The following ADGRL4 variants were observed in gnomAD, a reference collection of about 807,000 sequenced individuals.
ADGRL4 encodes EGF, latrophilin and seven transmembrane domain containing 1.
A neutral mutation model predicts 74.8 loss-of-function variants in ADGRL4; 90 were observed. That is an observed-to-expected ratio of 1.20 (90% CI 1.02 to 1.43). ADGRL4 has a LOEUF of 1.43. ADGRL4 is among the 40% of genes most tolerant of loss of function. ADGRL4 has a pLI of 0.00. For missense variants in ADGRL4, 881 were observed against 814.3 expected, an observed-to-expected ratio of 1.08 and a Z score of -1.00; for synonymous variants, 311 against 279.2, an observed-to-expected ratio of 1.11 and a Z score of -1.14.
intron 10 of ADGRL4, among the ~76,000 whole-genome samples, chr1:78,918,657 A>G (rs960814750): frequency 3.3e-5 from 5 of 151,942 alleles, no homozygotes; most frequent in African/African-American, 7.2e-5. Context: ...AGTTAGACCT[A>G]TAAGAAATAA....
chr1:78,966,743 C>T (rs1230524905), intron 2 of ADGRL4, among the ~76,000 whole-genome samples: 1 of 152,156 alleles, frequency 6.6e-6, no homozygotes, highest in African/African-American at 2.4e-5. Flanking sequence ...AATTAAGCTT[C>T]TCTCCCTGGT....
At chr1:78,957,832 T>C (rs1359759068) in intron 2 of ADGRL4, among the ~76,000 whole-genome samples, 1 of 152,186 alleles carries the variant, frequency 6.6e-6, no homozygotes, top group Non-Finnish European at 1.5e-5. Flanking sequence ...AGATGCCCTG[T>C]GAGACTTTCA....
intron 2 of ADGRL4, among the ~76,000 whole-genome samples, chr1:78,950,982 A>G (rs1465285039): frequency 6.6e-6 from 1 of 152,160 alleles, no homozygotes; most frequent in Non-Finnish European, 1.5e-5. Flanking sequence ...TCTATAGTCA[A>G]CCATACAGTC....
intron 12 of ADGRL4, among the ~76,000 whole-genome samples, chr1:78,916,482 TAACTC>T (rs1389718096): frequency 4.6e-5 from 7 of 152,062 alleles, no homozygotes; most frequent in African/African-American, 1.4e-4. Context: ...CATAATAAAT[TAACTC>T]AACTTGTTTT....
intron 12 of ADGRL4, among the ~76,000 whole-genome samples, chr1:78,899,816 T>TA (rs1648481405): frequency 6.6e-6 from 1 of 152,118 alleles, no homozygotes; most frequent in Admixed American, 6.6e-5. Context: ...GTGCCTTAGT[T>TA]ACAATGCTTA....
chr1:79,005,977 T>C (rs916060067), intron 1 of ADGRL4, among the ~76,000 whole-genome samples: 1 of 152,186 alleles, frequency 6.6e-6, no homozygotes, highest in African/African-American at 2.4e-5. Context: ...ATCAGAGTTA[T>C]TGAAATACAT....
intron 12 of ADGRL4, among the ~76,000 whole-genome samples, chr1:78,909,654 A>G (rs1648719277): frequency 6.6e-6 from 1 of 151,884 alleles, no homozygotes; most frequent in African/African-American, 2.4e-5. Flanking sequence ...AGATAATAAT[A>G]TCTAGCATTG....
At chr1:78,970,034 C>A (rs559509714) in intron 2 of ADGRL4, among the ~76,000 whole-genome samples, 2 of 152,228 alleles carry the variant, frequency 1.3e-5, no homozygotes, top group African/African-American at 2.4e-5. Context: ...AGCCAAGCAC[C>A]ATGCACCCAA....
At chr1:78,900,432 T>C (rs1648493014) in intron 12 of ADGRL4, among the ~76,000 whole-genome samples, 1 of 152,144 alleles carries the variant, frequency 6.6e-6, no homozygotes, top group South Asian at 2.1e-4. Context: ...TGGTAATTCG[T>C]TATAGCAGCA....
At chr1:78,909,215 A>G (rs1010224577) in intron 12 of ADGRL4, among the ~76,000 whole-genome samples, 4 of 152,006 alleles carry the variant, frequency 2.6e-5, no homozygotes, top group African/African-American at 9.7e-5. Flanking sequence ...TAAAATTACA[A>G]TGAGTAGTGT....
chr1:78,946,576 C>T (rs1044015549), intron 2 of ADGRL4, 150 bp from the exon 3 acceptor site: 64 of 604,530 alleles, frequency 1.1e-4, no homozygotes, highest in Non-Finnish European at 1.6e-4. Flanking sequence ...AATCCATATT[C>T]CACACTTCCT....
intron 2 of ADGRL4, among the ~76,000 whole-genome samples, chr1:78,948,347 A>G (rs1557508912): frequency 6.6e-6 from 1 of 152,160 alleles, no homozygotes; most frequent in Non-Finnish European, 1.5e-5. Context: ...TTCCATCAGG[A>G]GTCAGACAAT....
chr1:78,962,150 G>A (rs1292160100), intron 2 of ADGRL4, among the ~76,000 whole-genome samples: 1 of 152,006 alleles, frequency 6.6e-6, no homozygotes, highest in East Asian at 1.9e-4. Flanking sequence ...CAAAGTAATG[G>A]GATTACAGGC....
chr1:78,984,894 C>T (rs1479139554), intron 2 of ADGRL4, among the ~76,000 whole-genome samples: 1 of 151,508 alleles, frequency 6.6e-6, no homozygotes, highest in Non-Finnish European at 1.5e-5. Flanking sequence ...CTTTACAAAG[C>T]AATAACATGC....
rs187430161 is a variant in ADGRL4, at chr1:78,955,228, T to C, written c.173-8802A>G. Among the ~76,000 whole-genome samples the C allele has an allele frequency of 9.6e-4, 146 of 152,256 alleles. 6 individuals are homozygous for C. In the East Asian group the frequency reaches 0.026, roughly 28 times the overall value. The stretch of plus-strand genomic sequence containing the variant: ...CTCTTGTATATTTACATGACATTTA[T>C]TTTGTGTTCTTGCTTTTGTTATCTG... On this transcript the variant is annotated intron_variant, in intron 2 of 14. Transcript: ENST00000370742.
chr1:78,936,242 A>G (rs61770681), intron 7 of ADGRL4, 53 bp downstream of exon 7: 989,518 of 1,542,184 alleles, frequency 0.64, 318,865 homozygotes, highest in East Asian at 0.71. Context: ...TGCATGATAA[A>G]TATTTATTGC....
rs532372417 is a variant in ADGRL4 at position 78,972,674 on chromosome 1, C to T, written c.173-26248G>A. ...CTATTTGGCTTCATAAATGAATCTG[C>T]TTATTGCCGAAGCATTCTCAAATTC... On this transcript the variant is annotated intron_variant, in intron 2 of 14. Transcript: ENST00000370742. Among the ~76,000 whole-genome samples, 162 of 152,308 alleles carry T rather than the reference C, an allele frequency of 1.1e-3. No homozygotes were observed. The Middle Eastern group carries it at 0.017, about 16-fold the overall frequency.
At chr1:78,961,241 C>T (rs1649945694) in intron 2 of ADGRL4, among the ~76,000 whole-genome samples, 1 of 152,020 alleles carries the variant, frequency 6.6e-6, no homozygotes, top group African/African-American at 2.4e-5. Flanking sequence ...CTCATGGGTT[C>T]AAGCGATTCT....
intron 12 of ADGRL4, among the ~76,000 whole-genome samples, chr1:78,916,702 A>G (rs529128833): frequency 1.3e-5 from 2 of 151,816 alleles, no homozygotes; most frequent in Non-Finnish European, 2.9e-5. Flanking sequence ...TCACAACCAT[A>G]AAAAACTCAA....
Sources: allele counts gnomAD v4.1 joint callset (sites outside exome capture counted in the v4.1 genomes callset), GRCh38; gene constraint gnomAD v4.1.1; transcripts MANE v1.5; gene names NCBI Gene and HGNC (gene_info 2026-07-23, HGNC 2026-07-21).